Variants in ARMC9 observed in about 807,000 individuals in gnomAD.
The protein encoded by ARMC9 is armadillo repeat containing 9.
Under a neutral mutation model 107.0 loss-of-function variants are expected in ARMC9, and 94 were observed. That is an observed-to-expected ratio of 0.88 (90% CI 0.74 to 1.04). The LOEUF (loss-of-function observed/expected upper bound fraction) is 1.04, where lower values mean the gene tolerates loss of function less well. ARMC9 is among the 50% of genes least tolerant of loss of function. The pLI is 0.00. For synonymous variants in ARMC9, 380 were observed against 396.9 expected, an observed-to-expected ratio of 0.96 and a Z score of 0.51; for missense variants, 942 against 1,030.1, an observed-to-expected ratio of 0.91 and a Z score of 1.17.
chr2:231,228,897 C>A (rs938990657), intron 7 of ARMC9, among the ~76,000 whole-genome samples: 1 of 152,058 alleles, frequency 6.6e-6, no homozygotes, highest in Non-Finnish European at 1.5e-5. Flanking sequence ...GCATACACTG[C>A]ATTTTTGAGC....
intron 7 of ARMC9, among the ~76,000 whole-genome samples, chr2:231,231,709 G>C (rs2035237985): frequency 6.9e-6 from 1 of 145,892 alleles, no homozygotes; most frequent in Non-Finnish European, 1.5e-5. Context: ...TTTTTTTTGA[G>C]ATGAAGTCTG....
intron 19 of ARMC9, among the ~76,000 whole-genome samples, chr2:231,326,465 T>C (rs2043324314): frequency 6.6e-6 from 1 of 152,196 alleles, no homozygotes; most frequent in South Asian, 2.1e-4. Flanking sequence ...TGGAAAAGGC[T>C]CTGGATTGAT....
rs192211423 is a variant in ARMC9, at chr2:231,347,250, A to G, written c.1994+2160A>G. 3.1e-3 allele frequency among the ~76,000 whole-genome samples: 472 copies of G among 152,332 alleles called. 2 individuals carry two copies. Among genetic ancestry groups the G allele is most frequent in the African/African-American group, 0.011 (448 of 41,566 alleles). On this transcript the variant is annotated intron_variant, in intron 21 of 24. Transcript: ENST00000611582. ...TCCTGAAACCATGGACCTTCCCACT[A>G]TAATGATGCAGTCGCCCCGTCACCA...
In ARMC9 at chr2:231,345,086, C is replaced by G. The variant is rs774912184; in HGVS notation, c.1990C>G (p.Pro664Ala). 1 of 1,613,532 alleles carries G rather than the reference C, an allele frequency of 6.2e-7. No individual in the cohort carries two copies. The highest frequency in any genetic ancestry group is 1.1e-5 in the South Asian group (1 of 90,964). Residue 664 changes from proline to alanine, a missense_variant, in exon 21 of 25, where the codon CCA becomes GCA. Coordinates refer to ENST00000611582, the MANE Select transcript of ARMC9 (RefSeq NM_001352754.2). ...CCCCGGCGGCCACAGAAACGGGTACCCAGTGTAAGTCAGGGCTAAAGGAAG... is the reference window on the plus strand; with the variant it reads ...CCCCGGCGGCCACAGAAACGGGTACGCAGTGTAAGTCAGGGCTAAAGGAAG... The part of the protein sequence containing the change: ...VTPGGHRNGY[P>A]VVEDQHTPPQ...
intron 19 of ARMC9, among the ~76,000 whole-genome samples, chr2:231,310,944 T>A (rs2042312141): frequency 6.6e-6 from 1 of 151,580 alleles, no homozygotes; most frequent in Non-Finnish European, 1.5e-5. Flanking sequence ...CTGGGCAACA[T>A]GATGAGACCT....
At chr2:231,244,575 G>C (rs1257007938) in intron 9 of ARMC9, among the ~76,000 whole-genome samples, 1 of 152,012 alleles carries the variant, frequency 6.6e-6, no homozygotes, top group Non-Finnish European at 1.5e-5. Flanking sequence ...TCACTATGTT[G>C]CCCAGGCTGG....
intron 11 of ARMC9, among the ~76,000 whole-genome samples, chr2:231,261,196 C>T (rs1052482298): frequency 6.6e-6 from 1 of 152,164 alleles, no homozygotes; most frequent in African/African-American, 2.4e-5. Flanking sequence ...CCTGAAAAAG[C>T]AAGGATATTT....
intron 5 of ARMC9, among the ~76,000 whole-genome samples, chr2:231,219,304 T>C (rs2033868193): frequency 6.6e-6 from 1 of 152,220 alleles, no homozygotes; most frequent in Non-Finnish European, 1.5e-5. Context: ...TCTGGGATAG[T>C]CGTCTCCTCT....
chr2:231,201,997 TTC>T (rs1333641968), intron 1 of ARMC9, among the ~76,000 whole-genome samples: 2 of 136,106 alleles, frequency 1.5e-5, no homozygotes, highest in Non-Finnish European at 3.0e-5. Flanking sequence ...CCTTTTTTCT[TTC>T]TTTCTTTTTT....
At chr2:231,262,785 T>C (rs1468292236) in intron 12 of ARMC9, among the ~76,000 whole-genome samples, 4 of 152,130 alleles carry the variant, frequency 2.6e-5, no homozygotes, top group Admixed American at 6.5e-5. Flanking sequence ...ACTTTACTTA[T>C]AGTTTTGGGC....
chr2:231,300,651 A>G (rs1212983133), intron 19 of ARMC9, among the ~76,000 whole-genome samples: 2 of 152,264 alleles, frequency 1.3e-5, no homozygotes, highest in Non-Finnish European at 2.9e-5. Context: ...ACAGCTAATA[A>G]GTAACTGTGA....
chr2:231,274,353 T>C (rs910615562), intron 14 of ARMC9, among the ~76,000 whole-genome samples: 9 of 152,154 alleles, frequency 5.9e-5, no homozygotes, highest in Admixed American at 5.2e-4. Context: ...CCTAACCTTG[T>C]GATCCACCCG....
At chr2:231,369,913 C>G in intron 23 of ARMC9, 40 bp from the exon 24 acceptor site, 1 of 1,440,756 alleles carries the variant, frequency 6.9e-7, no homozygotes. Flanking sequence ...GTTTCTAATG[C>G]TGTAGTAGCT....
chr2:231,216,929 C>A, intron 5 of ARMC9, 136 bp downstream of exon 5: 1 of 1,144,406 alleles, frequency 8.7e-7, no homozygotes, highest in Non-Finnish European at 1.2e-6. Context: ...TAGTTATAAC[C>A]ATAATTTGTT....
chr2:231,348,914 T>C (rs957041093), intron 21 of ARMC9, among the ~76,000 whole-genome samples: 6 of 152,120 alleles, frequency 3.9e-5, no homozygotes, highest in African/African-American at 1.4e-4. Flanking sequence ...ACGGCTTATC[T>C]CCAAAAGTCA....
chr2:231,273,817 A>G (rs1307072957), intron 14 of ARMC9, among the ~76,000 whole-genome samples: 2 of 152,218 alleles, frequency 1.3e-5, no homozygotes, highest in Admixed American at 6.5e-5. Flanking sequence ...GTGTATTTAC[A>G]GAGTTGTGCA....
In ARMC9 at chr2:231,361,009, G is replaced by A. The variant is rs572617131; in HGVS notation, c.2261+126G>A. 3 of 1,375,420 alleles carry A rather than the reference G, an allele frequency of 2.2e-6. No homozygotes were observed. In the South Asian group the frequency reaches 4.5e-5, roughly 21 times the overall value. The allele number at this position is 1,375,420 out of a possible 1,614,324, so 85.2% of individuals were successfully genotyped here. A position where few individuals can be genotyped will look rare whatever the true frequency, so the allele number is the denominator to read the frequency against. On this transcript the variant is annotated intron_variant, in intron 23 of 24. Transcript: ENST00000611582. ...CTGAGGCCCAGCCTCTGACAGGGGA[G>A]GCTAAGGAGCAGTGTCAAGATTCCC...
At chr2:231,239,367 G>A (rs1482322268) in intron 8 of ARMC9, among the ~76,000 whole-genome samples, 2 of 152,220 alleles carry the variant, frequency 1.3e-5, no homozygotes, top group South Asian at 2.1e-4. Flanking sequence ...CAGCTCAGCC[G>A]CACGTTGTCG....
intron 14 of ARMC9, among the ~76,000 whole-genome samples, chr2:231,274,367 C>T (rs1355854012): frequency 6.6e-6 from 1 of 152,116 alleles, no homozygotes. Context: ...CCACCCGCCT[C>T]GGCCTCCCAA....
Sources: gnomAD v4.1 joint callset for allele counts (sites outside exome capture counted in the v4.1 genomes callset) on GRCh38, gnomAD v4.1.1 for gene constraint, MANE v1.5 for transcripts, NCBI Gene and HGNC (gene_info 2026-07-23, HGNC 2026-07-21) for gene names.